HMMR: variants seen among roughly 807,000 people sequenced by gnomAD.
The protein encoded by HMMR is hyaluronan mediated motility receptor, also known as intracellular hyaluronic acid-binding protein.
In HMMR, 108 loss-of-function variants were observed where a neutral mutation model predicts 101.0. The ratio of observed to expected loss-of-function variants is 1.07; its 90% confidence interval spans 0.92 to 1.25. The LOEUF (loss-of-function observed/expected upper bound fraction) is 1.25. Among genes scored for constraint, HMMR ranks in the 50% most tolerant of loss-of-function variants. The pLI is 0.00. For missense variants in HMMR, 813 were observed against 788.7 expected (o/e 1.03, Z -0.37); for synonymous variants, 296 against 276.4 (o/e 1.07, Z -0.70).
At chr5:163,481,308 TTA>T (rs563173373) in intron 12 of HMMR, among the ~76,000 whole-genome samples, 1 of 150,834 alleles carries the variant, frequency 6.6e-6, no homozygotes, top group Non-Finnish European at 1.5e-5. Context: ...TATGTAAATT[TTA>T]TATATATATA....
chr5:163,478,545 G>A (rs1471156063), intron 11 of HMMR, 139 bp from the exon 12 acceptor site: 1 of 597,486 alleles, frequency 1.7e-6, no homozygotes, highest in Non-Finnish European at 3.0e-6. Flanking sequence ...CATAAATTAG[G>A]ATCTGAGCTA....
intron 15 of HMMR, 48 bp downstream of exon 15, chr5:163,483,415 C>T (rs1759349900): frequency 9.8e-7 from 1 of 1,023,398 alleles, no homozygotes; most frequent in East Asian, 2.4e-5. Context: ...TAGGGACTCA[C>T]TTTGTTCCCT....
chr5:163,474,295 T>C (rs1759000959), intron 10 of HMMR, 90 bp downstream of exon 10: 1 of 924,964 alleles, frequency 1.1e-6, no homozygotes. Flanking sequence ...GTATATCCTT[T>C]GATCTACCAA....
rs776732623 is a variant in HMMR, at chr5:163,490,549, G to A, written c.2122G>A (p.Glu708Lys). 1.9e-6 allele frequency: 3 copies of A among 1,591,676 alleles called. 1 individual carries two copies. Among genetic ancestry groups the A allele is most frequent in the South Asian group, 2.3e-5 (2 of 86,832 alleles). ...ENFALKTPLK[E>K]GNTNCYRAPM... ...TTTTGCCCTGAAGACCCCATTAAAA[G>A]AAGGTAAGACATGAATAAATGTATA... Residue 708 changes from glutamate (E) to lysine (K), a missense_variant, in exon 17 of 18, where the codon GAA (glutamate) becomes AAA (lysine). Transcript: ENST00000393915.
At chr5:163,475,742 ATTCTC>A (rs749621540) in intron 11 of HMMR, 70 bp downstream of exon 11, 2 of 673,926 alleles carry the variant, frequency 3.0e-6, no homozygotes, top group Non-Finnish European at 4.9e-6. Flanking sequence ...TTTTTTTAGT[ATTCTC>A]TTATCAATCA....
At chr5:163,472,051 T>TTA (rs1554096712) in intron 7 of HMMR, among the ~76,000 whole-genome samples, 12,761 of 145,632 alleles carry the variant, frequency 0.088, 708 homozygotes, top group African/African-American at 0.19. Flanking sequence ...ATTATTATTA[T>TTA]TTATTTTTTT....
At chr5:163,476,468 T>C (rs971194167) in intron 11 of HMMR, among the ~76,000 whole-genome samples, 1 of 152,144 alleles carries the variant, frequency 6.6e-6, no homozygotes, top group Non-Finnish European at 1.5e-5. Flanking sequence ...ACTTCAGAAA[T>C]AGCAATCAAA....
Position 163,475,580 on chromosome 5 carries a change from G to C in HMMR, c.1176G>C (p.Lys392Asn). Residue 392 changes from lysine to asparagine, a missense_variant, in exon 11 of 18, where the codon AAG becomes AAC. Physicochemically the swap from Lys to Asn is moderately conservative, Grantham distance 94. Transcript: ENST00000393915. ...TLDELDKLQQ[K>N]EEQAERLVKQ... ...ATGAGCTTGATAAATTACAGCAAAA[G>C]GAGGAACAAGCTGAAAGGCTGGTCA... 6.2e-7 allele frequency: 1 copy of C among 1,612,692 alleles called. No homozygotes were observed. Among genetic ancestry groups the C allele is most frequent in the East Asian group, 2.2e-5 (1 of 44,754 alleles).
At position 163,483,359 on chromosome 5, in the gene HMMR, C is replaced by G. The variant is rs748576185; in HGVS notation, c.1777C>G (p.Pro593Ala). The change falls in exon 15 of 18, where the codon CCT (proline) becomes GCT (alanine). Residue 593 changes from proline to alanine, a missense_variant. Pro to Ala is a conservative substitution (Grantham distance 27). Coordinates refer to ENST00000393915, the MANE Select transcript of HMMR (RefSeq NM_001142556.2). Reference protein sequence around the residue: ...LYEELYNKTKPFQLQLDAFEV... With the variant: ...LYEELYNKTKAFQLQLDAFEV... ...TGAAGAACTATATAATAAAACAAAA[C>G]CTTTTCAGGTTTGTCAGTTAGGAGT... is the stretch of plus-strand genomic sequence containing the variant. 17 of 1,560,844 alleles carry G rather than the reference C, an allele frequency of 1.1e-5. No homozygotes were observed. Among genetic ancestry groups the G allele is most frequent in the Admixed American group, 6.9e-5 (4 of 58,130 alleles).
chr5:163,482,651 G>C lies in HMMR; in HGVS notation c.1395G>C (p.Ala465=). 6.2e-7 allele frequency: 1 copy of C among 1,610,014 alleles called. No individual in the cohort carries two copies. Among genetic ancestry groups the C allele is most frequent in the East Asian group, 2.2e-5 (1 of 44,842 alleles). ...TTTTCTTTTTAATAAGCTATAAAGCGTTAACAGCCAGTGAGATAGAAGATC... is the reference window on the plus strand; with the variant it reads ...TTTTCTTTTTAATAAGCTATAAAGCCTTAACAGCCAGTGAGATAGAAGATC... ...DVTAQFESYK[A]LTASEIEDLK... Residue 465 remains alanine, a synonymous_variant, in exon 13 of 18, where the codon GCG becomes GCC. Transcript: ENST00000393915.
At chr5:163,470,259 T>A (rs1758842747) in intron 5 of HMMR, among the ~76,000 whole-genome samples, 1 of 152,214 alleles carries the variant, frequency 6.6e-6, no homozygotes, top group Non-Finnish European at 1.5e-5. Context: ...TCTCAGGGAC[T>A]TGCTTTAGAG....
chr5:163,465,885 T>TA (rs1284186140), intron 3 of HMMR, among the ~76,000 whole-genome samples: 2 of 147,280 alleles, frequency 1.4e-5, no homozygotes, highest in South Asian at 2.2e-4. Context: ...TGCTTGAACC[T>TA]GGGAGGCAGA....
chr5:163,476,274 G>A (rs576445845), intron 11 of HMMR, among the ~76,000 whole-genome samples: 2 of 152,172 alleles, frequency 1.3e-5, no homozygotes, highest in Non-Finnish European at 2.9e-5. Flanking sequence ...CCGTGATCAC[G>A]TCACTGCACT....
intron 4 of HMMR, among the ~76,000 whole-genome samples, chr5:163,468,007 A>C (rs1758757085): frequency 6.6e-6 from 1 of 152,252 alleles, no homozygotes; most frequent in African/African-American, 2.4e-5. Context: ...TCATTATGTC[A>C]GTTGATTACA....
chr5:163,490,573 T>TA, intron 17 of HMMR, 21 bp downstream of exon 17: 5 of 1,543,792 alleles, frequency 3.2e-6, no homozygotes, highest in Non-Finnish European at 4.4e-6. Flanking sequence ...AATAAATGTA[T>TA]AAAAGTGTCC....
intron 5 of HMMR, 26 bp from the exon 6 acceptor site, chr5:163,471,159 A>G (rs367552010): frequency 2.1e-6 from 3 of 1,403,582 alleles, no homozygotes; most frequent in Non-Finnish European, 3.0e-6. Context: ...ATATTTCTGA[A>G]TTTTTTACGT....
In HMMR at chr5:163,469,629, GT is replaced by G. The variant is rs1758810013; in HGVS notation, c.274-7del. On this transcript the variant is annotated splice_polypyrimidine_tract_variant and intron_variant, in intron 4 of 17. Transcript: ENST00000393915. ...TCAGTGAATCATTTATTATCACCTT[GT>G]TTTTGTCCAGATTCGTGTTCTTCTA... 1 of 1,603,606 alleles carries G rather than the reference GT, an allele frequency of 6.2e-7. No individual in the cohort carries two copies. Among genetic ancestry groups the G allele is most frequent in the African/African-American group, 1.3e-5 (1 of 74,208 alleles).
Position 163,484,149 on chromosome 5 carries a change from A to T in HMMR, c.1866A>T (p.Ile622=), listed in dbSNP as rs1280952780. 6.2e-7 allele frequency: 1 copy of T among 1,604,074 alleles called. No individual in the cohort carries two copies. The highest frequency in any genetic ancestry group is 1.1e-5 in the South Asian group (1 of 90,126). The change falls in exon 16 of 18, where the codon ATA becomes ATT. Residue 622 remains isoleucine (I), a synonymous_variant. Coordinates refer to ENST00000393915, the MANE Select transcript of HMMR (RefSeq NM_001142556.2). ...HGAAQEQLNK[I]RDSYAKLLGH... is the part of the protein sequence containing the mutation. Reference sequence around the variant, plus strand: ...CAGCTCAGGAACAGCTAAATAAAATAAGAGATTCATATGCTAAATTATTGG... The same window carrying T: ...CAGCTCAGGAACAGCTAAATAAAATTAGAGATTCATATGCTAAATTATTGG...
chr5:163,474,857 T>C (rs1759017187), intron 10 of HMMR, among the ~76,000 whole-genome samples: 1 of 152,092 alleles, frequency 6.6e-6, no homozygotes, highest in Non-Finnish European at 1.5e-5. Flanking sequence ...AGTAGATCTA[T>C]ATACACTGAC....
Sources: allele counts gnomAD v4.1 joint callset (sites outside exome capture counted in the v4.1 genomes callset), GRCh38; gene constraint gnomAD v4.1.1; transcripts MANE v1.5; gene names NCBI Gene and HGNC (gene_info 2026-07-23, HGNC 2026-07-21).